The following KCNJ6 variants were observed in gnomAD, a reference collection of about 807,000 sequenced individuals.
KCNJ6 encodes G protein-activated inward rectifier potassium channel 2.
Under a neutral mutation model 34.2 loss-of-function variants are expected in KCNJ6, and 9 were observed. That is an observed-to-expected ratio of 0.26 (90% CI 0.16 to 0.46). The LOEUF is 0.46. KCNJ6 is among the 20% of genes least tolerant of loss of function. KCNJ6 has a pLI of 1.00. For synonymous variants in KCNJ6, 196 were observed against 207.1 expected (o/e 0.95, Z 0.46); for missense variants, 236 against 531.3 (o/e 0.44, Z 5.46).
intron 2 of KCNJ6, among the ~76,000 whole-genome samples, chr21:37,830,048 C>T (rs2055418083): frequency 6.6e-6 from 1 of 152,226 alleles, no homozygotes; most frequent in South Asian, 2.1e-4. Flanking sequence ...TTCCTGCTCT[C>T]CTGTGTCTGT....
intron 2 of KCNJ6, among the ~76,000 whole-genome samples, chr21:37,802,893 T>C (rs2055275891): frequency 6.6e-6 from 1 of 152,052 alleles, no homozygotes; most frequent in Non-Finnish European, 1.5e-5. Flanking sequence ...AACACTGCGG[T>C]GATAGCACTG....
intron 2 of KCNJ6, among the ~76,000 whole-genome samples, chr21:37,817,812 G>A (rs1247326393): frequency 2.0e-5 from 3 of 152,200 alleles, no homozygotes; most frequent in African/African-American, 4.8e-5. Context: ...GGAGGGTTCT[G>A]GCTTTTTAGC....
intron 2 of KCNJ6, among the ~76,000 whole-genome samples, chr21:37,832,433 C>T (rs976465245): frequency 7.4e-4 from 112 of 152,242 alleles, no homozygotes; most frequent in African/African-American, 2.6e-3. Context: ...CCCAGCCCAG[C>T]TACAGGATCT....
At chr21:37,865,381 G>T (rs1359423114) in intron 1 of KCNJ6, among the ~76,000 whole-genome samples, 47 of 152,104 alleles carry the variant, frequency 3.1e-4, no homozygotes, top group Non-Finnish European at 2.9e-5. Context: ...TTTTTTGCCA[G>T]TCGTGTCCCA....
intron 2 of KCNJ6, chr21:37,717,384 T>G: frequency 7.0e-6 from 1 of 142,998 alleles, no homozygotes; most frequent in Non-Finnish European, 1.5e-5. Flanking sequence ...AGGGTGGGTG[T>G]GTGGAGGGAG....
chr21:37,706,219 G>C (rs2054718805), intron 3 of KCNJ6, among the ~76,000 whole-genome samples: 1 of 152,200 alleles, frequency 6.6e-6, no homozygotes, highest in African/African-American at 2.4e-5. Flanking sequence ...CTGAAAGGAT[G>C]AAAGCTGGGA....
intron 3 of KCNJ6, among the ~76,000 whole-genome samples, chr21:37,707,002 G>T (rs2054723381): frequency 6.6e-6 from 1 of 152,230 alleles, no homozygotes; most frequent in Non-Finnish European, 1.5e-5. Flanking sequence ...ACTTTCGGTA[G>T]AAATTGGAAT....
intron 3 of KCNJ6, among the ~76,000 whole-genome samples, chr21:37,660,538 A>C (rs2054483431): frequency 1.3e-5 from 2 of 152,130 alleles, no homozygotes; most frequent in African/African-American, 4.8e-5. Flanking sequence ...TCCATTCCCT[A>C]CTATGGCCAC....
Position 37,870,534 on chromosome 21 carries a change from A to G in KCNJ6, c.-27-29825T>C, listed in dbSNP as rs77090300. ...TCTGCCTTGCTTTCAGCACTGTTAG[A>G]ATAATTCTGAGATATTTCAGACAGT... On this transcript the variant is annotated intron_variant, in intron 1 of 3. Transcript: ENST00000609713. Among the ~76,000 whole-genome samples, 1,161 of 152,214 alleles carry G rather than the reference A, an allele frequency of 7.6e-3. 9 individuals carry two copies. Among genetic ancestry groups the G allele is most frequent in the Non-Finnish European group, 0.011 (774 of 68,012 alleles).
chr21:37,654,262 G>A (rs4239802), intron 3 of KCNJ6, among the ~76,000 whole-genome samples: 23,754 of 151,792 alleles, frequency 0.16, 3,020 homozygotes, highest in African/African-American at 0.34. Context: ...TCCATGTCCT[G>A]TGATCTAGGT....
At chr21:37,723,571 A>G (rs2054837921) in intron 2 of KCNJ6, among the ~76,000 whole-genome samples, 1 of 152,272 alleles carries the variant, frequency 6.6e-6, no homozygotes, top group Non-Finnish European at 1.5e-5. Flanking sequence ...ACAATACACC[A>G]TGGAATACTA....
chr21:37,866,773 G>A (rs1036338831), intron 1 of KCNJ6, among the ~76,000 whole-genome samples: 1 of 152,206 alleles, frequency 6.6e-6, no homozygotes, highest in Admixed American at 6.5e-5. Flanking sequence ...GGGGCCACAG[G>A]ATGAACTAGA....
intron 1 of KCNJ6, among the ~76,000 whole-genome samples, chr21:37,863,584 T>C (rs1378749660): frequency 6.6e-6 from 1 of 152,226 alleles, no homozygotes; most frequent in Non-Finnish European, 1.5e-5. Context: ...ATATCTACAA[T>C]CGTTTTTGTG....
chr21:37,765,499 A>G (rs550616940), intron 2 of KCNJ6, among the ~76,000 whole-genome samples: 1 of 152,296 alleles, frequency 6.6e-6, no homozygotes, highest in African/African-American at 2.4e-5. Context: ...TAAACATCCT[A>G]CAATGCATAT....
chr21:37,807,758 G>C (rs2055300916), intron 2 of KCNJ6, among the ~76,000 whole-genome samples: 1 of 152,206 alleles, frequency 6.6e-6, no homozygotes, highest in East Asian at 1.9e-4. Flanking sequence ...ATGTATCCCT[G>C]TTCCTAATCA....
At chr21:37,694,903 A>G (rs567938747) in intron 3 of KCNJ6, among the ~76,000 whole-genome samples, 2 of 152,174 alleles carry the variant, frequency 1.3e-5, no homozygotes, top group Non-Finnish European at 2.9e-5. Context: ...GTGAAGATAG[A>G]GTGGGAAGGC....
chr21:37,661,614 G>GTTCTTTT (rs766622814), intron 3 of KCNJ6, among the ~76,000 whole-genome samples: 1,976 of 71,206 alleles, frequency 0.028, 453 homozygotes, highest in South Asian at 0.048. Flanking sequence ...AAGAGACATA[G>GTTCTTTT]TTTTTTTTTT....
At chr21:37,651,107 G>T (rs1467433281) in intron 3 of KCNJ6, among the ~76,000 whole-genome samples, 1 of 152,166 alleles carries the variant, frequency 6.6e-6, no homozygotes, top group East Asian at 1.9e-4. Context: ...CAAAAGAAAG[G>T]TACAGAGAGC....
intron 2 of KCNJ6, among the ~76,000 whole-genome samples, chr21:37,825,543 C>G (rs2055394870): frequency 6.6e-6 from 1 of 152,200 alleles, no homozygotes; most frequent in Admixed American, 6.5e-5. Flanking sequence ...CTTTCTCTTA[C>G]TATTTTCTTA....
Sources: gnomAD v4.1 joint callset for allele counts (sites outside exome capture counted in the v4.1 genomes callset) on GRCh38, gnomAD v4.1.1 for gene constraint, MANE v1.5 for transcripts, NCBI Gene and HGNC (gene_info 2026-07-23, HGNC 2026-07-21) for gene names.